The following RTTN variants were observed in gnomAD, a reference collection of about 807,000 sequenced individuals.
RTTN encodes the protein rotatin.
In RTTN, 182 loss-of-function variants were observed where a neutral mutation model predicts 269.2. The observed-to-expected ratio is 0.68, with a 90% CI of 0.60 to 0.76. RTTN has a LOEUF of 0.76. Among genes scored for constraint, RTTN ranks in the 30% least tolerant of loss-of-function variants. The pLI, the probability that RTTN is intolerant of heterozygous loss-of-function variation, is 0.00. For missense variants in RTTN, 2,545 were observed against 2,608.6 expected (o/e 0.98, Z 0.53); for synonymous variants, 1,006 against 963.5 (o/e 1.04, Z -0.82).
intron 32 of RTTN, among the ~76,000 whole-genome samples, chr18:70,079,384 T>C (rs2058506905): frequency 6.6e-6 from 1 of 152,094 alleles, no homozygotes; most frequent in Non-Finnish European, 1.5e-5. Context: ...TCTCTACACT[T>C]ATTAAGAGAG....
At chr18:70,009,466 T>C (rs972327597) in intron 46 of RTTN, among the ~76,000 whole-genome samples, 1 of 152,140 alleles carries the variant, frequency 6.6e-6, no homozygotes, top group African/African-American at 2.4e-5. Flanking sequence ...CAGAAATTCA[T>C]ATCCAGCCAT....
rs746204664 is a variant in RTTN, at chr18:70,199,456, G to A, written c.536C>T (p.Pro179Leu). The change falls in exon 5 of 49, where the codon CCC becomes CTC. Residue 179 changes from proline (P) to leucine (L), a missense_variant. Pro to Leu is a moderately conservative substitution (Grantham distance 98). Coordinates refer to ENST00000640769, the MANE Select transcript of RTTN (RefSeq NM_173630.4). ...GACATGTCTGTCTGTGGTGGTCAGG[G>A]GTAGCCAAGGAAATGTAGAAAACTT... Reference protein sequence around the residue: ...CLKFSTFPWLPLTTTDRHVLS... With the variant: ...CLKFSTFPWLLLTTTDRHVLS... The A allele has an allele frequency of 3.7e-6, 6 of 1,612,916 alleles. No homozygotes were observed. Among genetic ancestry groups the A allele is most frequent in the Non-Finnish European group, 5.1e-6 (6 of 1,179,312 alleles).
rs1419067279 is a variant in RTTN at position 70,140,113 on chromosome 18, C to T, written c.2657G>A (p.Ser886Asn). 1.9e-6 allele frequency: 3 copies of T among 1,594,206 alleles called. No individual in the cohort carries two copies. Among genetic ancestry groups the T allele is most frequent in the African/African-American group, 1.3e-5 (1 of 74,432 alleles). The stretch of plus-strand genomic sequence containing the variant: ...CATTAGCCTTACCTTGCCATCTTGA[C>T]TCACACATTCATTTAAATACTCAAT... ...KIIEYLNECV[S>N]QDGKVVECLV... Residue 886 changes from serine (S) to asparagine (N), a missense_variant, in exon 20 of 49, where the codon AGT becomes AAT. Ser to Asn is a conservative substitution (Grantham distance 46). Coordinates refer to ENST00000640769, the MANE Select transcript of RTTN (RefSeq NM_173630.4).
chr18:70,192,408 T>C (rs1006626706), intron 8 of RTTN, among the ~76,000 whole-genome samples: 4 of 152,142 alleles, frequency 2.6e-5, no homozygotes, highest in African/African-American at 7.2e-5. Context: ...GGGCCAAGCA[T>C]GGTGACTCAT....
chr18:70,010,122 G>A lies in RTTN; in HGVS notation c.6422-3638C>T, dbSNP rs192301281. Among the ~76,000 whole-genome samples, 1,307 of 152,060 alleles carry A rather than the reference G, an allele frequency of 8.6e-3. 17 individuals are homozygous for A. Among genetic ancestry groups the A allele is most frequent in the Middle Eastern group, 0.02 (6 of 294 alleles). ...GAGACCTACAAAGAGACTTAGACTC[G>A]CACACAATAATCATGGGAGACTTCA... On this transcript the variant is annotated intron_variant, in intron 46 of 48. Coordinates refer to ENST00000640769, the MANE Select transcript of RTTN (RefSeq NM_173630.4).
chr18:70,204,049 T>C, intron 3 of RTTN, 37 bp downstream of exon 3: 2 of 1,426,054 alleles, frequency 1.4e-6, no homozygotes, highest in Non-Finnish European at 1.9e-6. Context: ...ACCATTAGAA[T>C]TAATATATTT....
intron 17 of RTTN, among the ~76,000 whole-genome samples, chr18:70,148,308 A>G (rs1291974910): frequency 6.6e-6 from 1 of 152,202 alleles, no homozygotes; most frequent in Non-Finnish European, 1.5e-5. Flanking sequence ...ATAATAATAG[A>G]AAAGATTCAT....
chr18:70,168,768 T>G lies in RTTN; in HGVS notation c.1689+87A>C, dbSNP rs566596711. 66 of 977,848 alleles carry G rather than the reference T, an allele frequency of 6.7e-5. No homozygotes were observed. In the East Asian group the frequency reaches 1.5e-3, roughly 22 times the overall value. The allele number at this position is 977,848 out of a possible 1,614,324, so 60.6% of individuals were successfully genotyped here. A position where few individuals can be genotyped will look rare whatever the true frequency, so the allele number is the denominator to read the frequency against. On this transcript the variant is annotated intron_variant, in intron 12 of 48. Coordinates refer to ENST00000640769, the MANE Select transcript of RTTN (RefSeq NM_173630.4). ...ATGTATCCCACCTGTGACAATTTAATTATATGTCCATCAATTTGAAAAGTA... is the reference window on the plus strand; with the variant it reads ...ATGTATCCCACCTGTGACAATTTAAGTATATGTCCATCAATTTGAAAAGTA...
chr18:70,167,797 G>A (rs2061030325), intron 12 of RTTN, among the ~76,000 whole-genome samples: 1 of 151,648 alleles, frequency 6.6e-6, no homozygotes, highest in African/African-American at 2.4e-5. Flanking sequence ...TACTAACATG[G>A]CAAAAGGAAA....
intron 46 of RTTN, among the ~76,000 whole-genome samples, chr18:70,016,920 C>T (rs910316401): frequency 1.3e-5 from 2 of 152,170 alleles, no homozygotes; most frequent in Admixed American, 1.3e-4. Context: ...ACATGAAACA[C>T]ATAATCTATC....
intron 32 of RTTN, among the ~76,000 whole-genome samples, chr18:70,084,211 T>C (rs1204508736): frequency 7.5e-6 from 1 of 133,240 alleles, no homozygotes; most frequent in Non-Finnish European, 1.6e-5. Flanking sequence ...TGCAAAGCAA[T>C]AGAAGCAATT....
intron 37 of RTTN, 77 bp downstream of exon 37, chr18:70,057,665 A>C: frequency 2.0e-6 from 2 of 998,126 alleles, no homozygotes; most frequent in Non-Finnish European, 3.1e-6. Context: ...TTTTCCTATG[A>C]CTAGTATCTC....
intron 26 of RTTN, among the ~76,000 whole-genome samples, chr18:70,120,806 T>C (rs2059716028): frequency 6.6e-6 from 1 of 152,118 alleles, no homozygotes; most frequent in African/African-American, 2.4e-5. Context: ...ATCCCAGCAC[T>C]TTGAGAGGCC....
chr18:70,193,487 TA>T lies in RTTN; in HGVS notation c.842-35del, dbSNP rs375870225. ...ACAAAGAAAAAATAAAATTATTCTT[TA>T]GTAGAAACAGACTTCTGACTATGTG... is the stretch of plus-strand genomic sequence containing the variant. On this transcript the variant is annotated intron_variant, in intron 7 of 48. Transcript: ENST00000640769. The T allele has an allele frequency of 4.7e-4, 639 of 1,371,490 alleles. 2 individuals carry two copies. In the African/African-American group the frequency reaches 8.2e-3, roughly 18 times the overall value. The allele number at this position is 1,371,490 out of a possible 1,614,324, so 85.0% of individuals were successfully genotyped here.
At chr18:70,205,546 C>T (rs1419718320) in intron 1 of RTTN, 82 bp downstream of exon 1, 2 of 1,573,724 alleles carry the variant, frequency 1.3e-6, no homozygotes, top group Non-Finnish European at 8.7e-7. Context: ...GAGCGGCCGG[C>T]CGCGGAAACG....
intron 43 of RTTN, among the ~76,000 whole-genome samples, chr18:70,028,119 T>C (rs568985857): frequency 2.6e-4 from 40 of 152,340 alleles, no homozygotes; most frequent in African/African-American, 9.6e-4. Flanking sequence ...TGTAAAACTA[T>C]AGACAAAGCA....
At chr18:70,095,586 T>C (rs996414373) in intron 28 of RTTN, among the ~76,000 whole-genome samples, 1 of 152,200 alleles carries the variant, frequency 6.6e-6, no homozygotes, top group Admixed American at 6.5e-5. Flanking sequence ...AATTCTGGGT[T>C]GAAAATTATT....
chr18:70,156,482 G>C (rs1165710737), intron 14 of RTTN, among the ~76,000 whole-genome samples: 1 of 152,056 alleles, frequency 6.6e-6, no homozygotes, highest in African/African-American at 2.4e-5. Context: ...TTTTGCCTGC[G>C]GTCCTGCGGT....
intron 4 of RTTN, among the ~76,000 whole-genome samples, chr18:70,199,807 C>T (rs2061904194): frequency 6.6e-6 from 1 of 152,214 alleles, no homozygotes; most frequent in African/African-American, 2.4e-5. Flanking sequence ...CTATTTTACC[C>T]TGTGGCTGAC....
Sources: gnomAD v4.1 joint callset for allele counts (sites outside exome capture counted in the v4.1 genomes callset) on GRCh38, gnomAD v4.1.1 for gene constraint, MANE v1.5 for transcripts, NCBI Gene and HGNC (gene_info 2026-07-23, HGNC 2026-07-21) for gene names.